Variants in CADM2 observed in about 807,000 individuals in gnomAD.
CADM2 encodes the protein immunoglobulin superfamily member 4D.
CADM2 carries 12 observed loss-of-function variants against 49.8 expected under a neutral mutation model. The ratio of observed to expected loss-of-function variants is 0.24; its 90% CI spans 0.15 to 0.39. The LOEUF is 0.39. Ranked by LOEUF, CADM2 falls within the 10% of genes least tolerant of loss-of-function variation. The pLI, the probability that CADM2 is intolerant of heterozygous loss-of-function variation, is 1.00. For synonymous variants in CADM2, 214 were observed against 175.4 expected (o/e 1.22, Z -1.74); for missense variants, 378 against 492.3 (o/e 0.77, Z 2.20).
Position 85,886,181 on chromosome 3 carries a change from A to G in CADM2, c.392-9A>G. On this transcript the variant is annotated splice_polypyrimidine_tract_variant and intron_variant, in intron 4 of 9. Transcript: ENST00000383699. ...TTGATGCTCACTTCATCATTCGCTT[A>G]AATTTCAGGTGTTCCTGAAAAGCCT... 2 of 1,612,126 alleles carry G rather than the reference A, an allele frequency of 1.2e-6. No individual in the cohort carries two copies. The highest frequency in any genetic ancestry group is 2.2e-5 in the South Asian group (2 of 90,872).
chr3:85,548,671 G>A (rs1258443779), intron 1 of CADM2, among the ~76,000 whole-genome samples: 1 of 152,148 alleles, frequency 6.6e-6, no homozygotes, highest in African/African-American at 2.4e-5. Flanking sequence ...GAAGGTTTCA[G>A]GAAGGCAAGT....
At chr3:85,698,553 G>A (rs971943422) in intron 1 of CADM2, among the ~76,000 whole-genome samples, 2 of 152,138 alleles carry the variant, frequency 1.3e-5, no homozygotes, top group African/African-American at 4.8e-5. Flanking sequence ...AAGGCAAAGG[G>A]GGAACTGCCA....
chr3:85,200,565 C>T (rs2041469086), intron 1 of CADM2, among the ~76,000 whole-genome samples: 1 of 151,990 alleles, frequency 6.6e-6, no homozygotes, highest in Non-Finnish European at 1.5e-5. Flanking sequence ...AAATGAGATA[C>T]AGTAGTGACA....
intron 1 of CADM2, among the ~76,000 whole-genome samples, chr3:85,215,928 G>A (rs892778137): frequency 6.6e-6 from 1 of 152,124 alleles, no homozygotes; most frequent in African/African-American, 2.4e-5. Flanking sequence ...CCCACACCAT[G>A]CAGACGCTGC....
At chr3:85,381,707 A>G (rs1362303190) in intron 1 of CADM2, among the ~76,000 whole-genome samples, 1 of 151,982 alleles carries the variant, frequency 6.6e-6, no homozygotes, top group East Asian at 1.9e-4. Context: ...TCCTAAAAAT[A>G]TTGAGCTCCT....
intron 1 of CADM2, among the ~76,000 whole-genome samples, chr3:85,463,822 C>T (rs2038364992): frequency 6.6e-6 from 1 of 152,090 alleles, no homozygotes; most frequent in African/African-American, 2.4e-5. Context: ...GCTACTAGAC[C>T]ATGTATTTAC....
At chr3:85,986,909 C>T (rs1436104018) in intron 8 of CADM2, among the ~76,000 whole-genome samples, 5 of 151,904 alleles carry the variant, frequency 3.3e-5, no homozygotes, top group Non-Finnish European at 7.4e-5. Context: ...AGCCATGGAC[C>T]TAAATATTTG....
intron 1 of CADM2, among the ~76,000 whole-genome samples, chr3:85,444,620 C>A (rs531003298): frequency 2.1e-5 from 3 of 140,882 alleles, no homozygotes; most frequent in East Asian, 1.9e-4. Flanking sequence ...CTGTTCCCAA[C>A]CCCCATTCCC....
intron 1 of CADM2, among the ~76,000 whole-genome samples, chr3:85,354,628 G>GAGAGAGAGAGAGAGAGAT (rs2031693820): frequency 6.6e-6 from 1 of 151,214 alleles, no homozygotes; most frequent in Admixed American, 6.6e-5. Flanking sequence ...CAGAGAGAGA[G>GAGAGAGAGAGAGAGAGAT]AGAGAGAGAG....
intron 3 of CADM2, among the ~76,000 whole-genome samples, chr3:85,821,883 A>G (rs559189910): frequency 6.6e-6 from 1 of 152,324 alleles, no homozygotes; most frequent in South Asian, 2.1e-4. Context: ...ATAACATAAA[A>G]AATAAAAATG....
chr3:85,119,984 T>C lies in CADM2; in HGVS notation c.61+160316T>C, dbSNP rs183829770. 4.9e-4 allele frequency among the ~76,000 whole-genome samples: 75 copies of C among 152,148 alleles called. 1 individual carries two copies. In the East Asian group the frequency reaches 0.013, roughly 25 times the overall value. ...GAATCTACAATGAACTTAAACAAAT[T>C]TACAAGAATAAAATAAACAATCCCA... is the stretch of plus-strand genomic sequence containing the variant. On this transcript the variant is annotated intron_variant, in intron 1 of 9. Coordinates refer to ENST00000383699, the MANE Select transcript of CADM2 (RefSeq NM_001167675.2).
chr3:85,109,198 A>T (rs2038360329), intron 1 of CADM2, among the ~76,000 whole-genome samples: 1 of 152,062 alleles, frequency 6.6e-6, no homozygotes, highest in Non-Finnish European at 1.5e-5. Flanking sequence ...ATTCATAAGC[A>T]TCAACTGTCA....
intron 8 of CADM2, among the ~76,000 whole-genome samples, chr3:86,023,401 A>T (rs1733458992): frequency 6.6e-6 from 1 of 151,450 alleles, no homozygotes; most frequent in Admixed American, 6.6e-5. Context: ...TGTTTTTTTG[A>T]GACAGAGTTT....
intron 3 of CADM2, among the ~76,000 whole-genome samples, chr3:85,818,746 G>A (rs2073375607): frequency 1.3e-5 from 2 of 152,038 alleles, no homozygotes; most frequent in Non-Finnish European, 2.9e-5. Context: ...AGAAAGAGAG[G>A]CTTTGAGGAA....
chr3:85,333,203 CTGTA>C (rs1000461271), intron 1 of CADM2, among the ~76,000 whole-genome samples: 50 of 151,622 alleles, frequency 3.3e-4, no homozygotes, highest in African/African-American at 1.2e-3. Context: ...GAATGGATAA[CTGTA>C]TGAATGAATA....
At chr3:85,923,910 C>T (rs1719484130) in intron 6 of CADM2, among the ~76,000 whole-genome samples, 1 of 152,168 alleles carries the variant, frequency 6.6e-6, no homozygotes, top group Non-Finnish European at 1.5e-5. Context: ...TTAGTTGTTA[C>T]TGTGTGGACA....
chr3:85,741,026 A>G (rs570483119), intron 2 of CADM2, among the ~76,000 whole-genome samples: 89 of 152,316 alleles, frequency 5.8e-4, no homozygotes, highest in Non-Finnish European at 5.6e-4. Flanking sequence ...TTATGTTTCC[A>G]AGTGCCACTG....
At chr3:85,593,622 C>T (rs1428192285) in intron 1 of CADM2, among the ~76,000 whole-genome samples, 1 of 151,942 alleles carries the variant, frequency 6.6e-6, no homozygotes, top group Non-Finnish European at 1.5e-5. Context: ...ACACATAAGA[C>T]ATTGGGTGCT....
rs544064427 is a variant in CADM2, at chr3:85,527,271, A to G, written c.62-199251A>G. Among the ~76,000 whole-genome samples the G allele has an allele frequency of 3.8e-4, 57 of 151,598 alleles. No individual in the cohort carries two copies. In the South Asian group the frequency reaches 8.8e-3, roughly 23 times the overall value. On this transcript the variant is annotated intron_variant, in intron 1 of 9. Coordinates refer to ENST00000383699, the MANE Select transcript of CADM2 (RefSeq NM_001167675.2). The stretch of plus-strand genomic sequence containing the variant: ...GAGGTGGCATCATGTCTATACTTCC[A>G]TCTACTCAGGATGCCAAGGTGAGAG...
Sources: allele counts gnomAD v4.1 joint callset (sites outside exome capture counted in the v4.1 genomes callset), GRCh38; gene constraint gnomAD v4.1.1; transcripts MANE v1.5; gene names NCBI Gene and HGNC (gene_info 2026-07-23, HGNC 2026-07-21).